Variants in CNTN2 observed in about 807,000 individuals in gnomAD.
The protein encoded by CNTN2 is contactin-2.
Under a neutral mutation model 117.5 loss-of-function variants are expected in CNTN2, and 53 were observed. The observed-to-expected ratio is 0.45, with a 90% CI of 0.36 to 0.57. The LOEUF (loss-of-function observed/expected upper bound fraction) is 0.57. Among genes scored for constraint, CNTN2 ranks in the 20% least tolerant of loss-of-function variants. The probability of loss-of-function intolerance (pLI) is 0.00; values close to 1 mark genes in which losing one functional copy is unlikely to be tolerated. For synonymous variants in CNTN2, 530 were observed against 561.7 expected, an observed-to-expected ratio of 0.94 and a Z score of 0.80; for missense variants, 1,106 against 1,404.3, an observed-to-expected ratio of 0.79 and a Z score of 3.39.
intron 1 of CNTN2, among the ~76,000 whole-genome samples, chr1:205,052,759 GC>G (rs1442065985): frequency 6.6e-6 from 1 of 152,190 alleles, no homozygotes; most frequent in Admixed American, 6.5e-5. Flanking sequence ...TTCTCTTCCG[GC>G]CTCGCCTCAA....
At position 205,065,135 on chromosome 1, in the gene CNTN2, G is replaced by A; in HGVS notation, c.1568G>A (p.Gly523Asp). ...CCCTCAAGTGCCGACATCAACTTGG[G>A]TGACAACCTGACCCTACAGTGCCAT... ...LAPSSADINL[G>D]DNLTLQCHAS... The change falls in exon 13 of 23, where the codon GGT becomes GAT. Residue 523 changes from glycine to aspartate, a missense_variant. Physicochemically the swap from Gly to Asp is moderately conservative, Grantham distance 94. Coordinates refer to ENST00000331830, the MANE Select transcript of CNTN2 (RefSeq NM_005076.5). This position sits in a 1 kb window ranked among gnomAD's most constrained non-coding sequence, Gnocchi z 4.1. 1 of 1,614,052 alleles carries A rather than the reference G, an allele frequency of 6.2e-7. No individual in the cohort carries two copies. The highest frequency in any genetic ancestry group is 8.5e-7 in the Non-Finnish European group (1 of 1,180,008).
rs1654728453 is a variant in CNTN2 at position 205,073,861 on chromosome 1, G to GA, written c.*97dup. The GA allele has an allele frequency of 1.1e-5, 11 of 967,686 alleles. No individual in the cohort carries two copies. In the South Asian group the frequency reaches 1.5e-4, roughly 13 times the overall value. The allele number at this position is 967,686 out of a possible 1,614,324, so 59.9% of individuals were successfully genotyped here. A position where few individuals can be genotyped will look rare whatever the true frequency, so the allele number is the denominator to read the frequency against. The stretch of plus-strand genomic sequence containing the variant: ...GCCAAGGTGGCCTGACACTGTGCCA[G>GA]AGAGTGGCTGGTTTTAAATACCTAC... On this transcript the variant is annotated 3_prime_UTR_variant, in exon 23 of 23. Coordinates refer to ENST00000331830, the MANE Select transcript of CNTN2 (RefSeq NM_005076.5). The surrounding 1 kb of genome is among the most constrained non-coding windows in gnomAD (Gnocchi z 6.3).
At position 205,048,151 on chromosome 1, in the gene CNTN2, A is replaced by G. The variant is rs1574627825; in HGVS notation, c.-87+4757A>G. Among the ~76,000 whole-genome samples the G allele has an allele frequency of 6.6e-6, 1 of 152,112 alleles. No individual in the cohort carries two copies. Among genetic ancestry groups the G allele is most frequent in the Admixed American group, 6.5e-5 (1 of 15,284 alleles). On this transcript the variant is annotated intron_variant, in intron 1 of 22. Coordinates refer to ENST00000331830, the MANE Select transcript of CNTN2 (RefSeq NM_005076.5). This position sits in a 1 kb window ranked among gnomAD's most constrained non-coding sequence, Gnocchi z 4.1. ...CTCTGAACTCCCCTTTGCTACCACC[A>G]TCCATCGGAAGTTGCCAAATCTCTC...
chr1:205,058,077 G>A lies in CNTN2; in HGVS notation c.215+12G>A, dbSNP rs769149441. The A allele has an allele frequency of 5.6e-6, 9 of 1,612,238 alleles. No homozygotes were observed. In the African/African-American group the frequency reaches 1.2e-4, roughly 22 times the overall value. ...CCAGCCACCTATCGGTAAGGCCTCT[G>A]CAGTGGGTGCTGGGAGGCCCTGGGC... On this transcript the variant is annotated intron_variant, in intron 3 of 22. Transcript: ENST00000331830. The surrounding 1 kb of genome is among the most constrained non-coding windows in gnomAD (Gnocchi z 4.3).
intron 1 of CNTN2, among the ~76,000 whole-genome samples, chr1:205,047,439 CA>C (rs1232924703): frequency 7.9e-5 from 12 of 152,070 alleles, no homozygotes; most frequent in Non-Finnish European, 2.9e-5. Flanking sequence ...TTGTCTTAGG[CA>C]AAGGAAAAGG....
Position 205,065,881 on chromosome 1 carries a change from G to A in CNTN2, c.1788G>A (p.Ala596=), listed in dbSNP as rs151320977. Residue 596 remains alanine, a synonymous_variant, in exon 14 of 23, where the codon GCG becomes GCA. Transcript: ENST00000331830. The surrounding 1 kb of genome is among the most constrained non-coding windows in gnomAD (Gnocchi z 4.1). ...TCMAQTVVDS[A]SKEATVLVRG... is the part of the protein sequence containing the mutation. ...TGGCCCAGACGGTGGTGGACAGCGC[G>A]TCCAAGGAGGCCACAGTCCTGGTCC... The A allele has an allele frequency of 1.6e-5, 26 of 1,612,448 alleles. No individual in the cohort carries two copies. Among genetic ancestry groups the A allele is most frequent in the African/African-American group, 1.3e-4 (10 of 74,772 alleles).
chr1:205,050,140 TC>T (rs2096449836), intron 1 of CNTN2, among the ~76,000 whole-genome samples: 1 of 152,158 alleles, frequency 6.6e-6, no homozygotes, highest in Non-Finnish European at 1.5e-5. Context: ...TATTAACAAC[TC>T]CTGTTTATCA....
intron 1 of CNTN2, among the ~76,000 whole-genome samples, chr1:205,051,477 G>A (rs560177443): frequency 6.6e-6 from 1 of 152,316 alleles, no homozygotes; most frequent in Admixed American, 6.5e-5. Context: ...AATGTCTTGA[G>A]TTCAAGTCGA....
At chr1:205,066,698 G>T (rs1282564411) in intron 15 of CNTN2, 99 bp downstream of exon 15, 2 of 1,388,802 alleles carry the variant, frequency 1.4e-6, no homozygotes, top group African/African-American at 1.4e-5. Context: ...GAGGGCCAGG[G>T]CTGAGCCTGG....
rs1335941017 is a variant in CNTN2, at chr1:205,053,128, C to T, written c.-58C>T. On this transcript the variant is annotated 5_prime_UTR_variant, in exon 2 of 23. Transcript: ENST00000331830. Reference sequence around the variant, plus strand: ...CTTTCTCAGCCTCCAGCTGGGCTGTCCCCAAGCTGAGCTGAGGCTCTTCTC... The same window carrying T: ...CTTTCTCAGCCTCCAGCTGGGCTGTTCCCAAGCTGAGCTGAGGCTCTTCTC... 7.0e-7 allele frequency: 1 copy of T among 1,419,190 alleles called. No homozygotes were observed. The highest frequency in any genetic ancestry group is 1.4e-5 in the African/African-American group (1 of 70,412). The allele number at this position is 1,419,190 out of a possible 1,614,324, so 87.9% of individuals were successfully genotyped here.
rs1196493373 is a variant in CNTN2, at chr1:205,074,064, G to A, written c.*299G>A. 1 of 571,754 alleles carries A rather than the reference G, an allele frequency of 1.7e-6. No individual in the cohort carries two copies. The highest frequency in any genetic ancestry group is 1.9e-5 in the African/African-American group (1 of 53,566). The allele number at this position is 571,754 out of a possible 1,614,324, so 35.4% of individuals were successfully genotyped here. A position where few individuals can be genotyped will look rare whatever the true frequency, so the allele number is the denominator to read the frequency against. ...GGAAGGAACAGGCCCATGGGAAGAA[G>A]GGGGTTTTAAAAACATGTCTTCAAC... On this transcript the variant is annotated 3_prime_UTR_variant, in exon 23 of 23. Coordinates refer to ENST00000331830, the MANE Select transcript of CNTN2 (RefSeq NM_005076.5).
intron 18 of CNTN2, 147 bp downstream of exon 18, chr1:205,070,208 T>G: frequency 2.5e-6 from 2 of 815,064 alleles, no homozygotes; most frequent in South Asian, 3.4e-5. Flanking sequence ...TGGCCTCACT[T>G]CCAGCTCTTG....
rs1440782722 is a variant in CNTN2 at position 205,061,417 on chromosome 1, C to G, written c.970C>G (p.Gln324Glu). ...RDTVQGRIIV[Q>E]AQPEWLKVIS... ...CACCGTGCAGGGCCGCATCATCGTG[C>G]AGGGTACAGAGCCAGGGACACCTTC... is the stretch of plus-strand genomic sequence containing the variant. Residue 324 changes from glutamine (Q) to glutamate (E), a missense_variant, in exon 8 of 23, where the codon CAG becomes GAG. Physicochemically the swap from Gln to Glu is conservative, Grantham distance 29. Transcript: ENST00000331830. This position sits in a 1 kb window ranked among gnomAD's most constrained non-coding sequence, Gnocchi z 4.8. 6.2e-7 allele frequency: 1 copy of G among 1,608,534 alleles called. No individual in the cohort carries two copies.
Position 205,065,774 on chromosome 1 carries a change from T to C in CNTN2, c.1696-15T>C, listed in dbSNP as rs924002129. ...GGTGGTCTGACCTGCTGCCCCTAAC[T>C]GTCCCCGTGTGCAGAAGGAGACCAT... On this transcript the variant is annotated splice_polypyrimidine_tract_variant and intron_variant, in intron 13 of 22. Coordinates refer to ENST00000331830, the MANE Select transcript of CNTN2 (RefSeq NM_005076.5). The surrounding 1 kb of genome is among the most constrained non-coding windows in gnomAD (Gnocchi z 4.1). The C allele has an allele frequency of 3.2e-6, 3 of 932,644 alleles. No homozygotes were observed. The African/African-American group carries it at 4.9e-5, about 15-fold the overall frequency. 57.8% of individuals were successfully genotyped at this position (932,644 alleles called of 1,614,324 possible).
At chr1:205,053,309 A>G in intron 2 of CNTN2, 54 bp downstream of exon 2, 1 of 1,429,272 alleles carries the variant, frequency 7.0e-7, no homozygotes, top group Non-Finnish European at 9.6e-7. Flanking sequence ...ATAGTGTTAT[A>G]TCCTTGCTAT....
At chr1:205,066,047 A>G in intron 14 of CNTN2, 138 bp downstream of exon 14, 2 of 1,052,834 alleles carry the variant, frequency 1.9e-6, no homozygotes, top group Non-Finnish European at 2.7e-6. Context: ...TGTGAGCTGG[A>G]TATACCCTGT....
rs4017875 is a variant in CNTN2 at position 205,048,910 on chromosome 1, CGTGTGTGTGTGTGTGTGTGTGTGTGTGT to C, written c.-86-4167_-86-4140del. Among the ~76,000 whole-genome samples, 1 of 127,780 alleles carries C rather than the reference CGTGTGTGTGTGTGTGTGTGTGTGTGTGT, an allele frequency of 7.8e-6. No individual in the cohort carries two copies. The highest frequency in any genetic ancestry group is 2.4e-4 in the East Asian group (1 of 4,160). 83.8% of individuals were successfully genotyped at this position (127,780 alleles called of 152,430 possible). ...GCTCCAGCCTTTAGCCCAGACTCTG[CGTGTGTGTGTGTGTGTGTGTGTGTGTGT>C]GTGTGTGTGTGTGTGTGTGTGTTCA... is the stretch of plus-strand genomic sequence containing the variant. On this transcript the variant is annotated intron_variant, in intron 1 of 22. Coordinates refer to ENST00000331830, the MANE Select transcript of CNTN2 (RefSeq NM_005076.5). The surrounding 1 kb of genome is among the most constrained non-coding windows in gnomAD (Gnocchi z 4.1).
Position 205,061,834 on chromosome 1 carries a change from A to G in CNTN2, c.974-31A>G. ...ATGAGCTGGAAGCTCCTCCTAGCTC[A>G]TGCCAGGTTTTCTTTTCCGGGCTCC... On this transcript the variant is annotated intron_variant, in intron 8 of 22. Coordinates refer to ENST00000331830, the MANE Select transcript of CNTN2 (RefSeq NM_005076.5). The surrounding 1 kb of genome is among the most constrained non-coding windows in gnomAD (Gnocchi z 4.8). 1 of 1,503,020 alleles carries G rather than the reference A, an allele frequency of 6.7e-7. No homozygotes were observed. Among genetic ancestry groups the G allele is most frequent in the Non-Finnish European group, 8.9e-7 (1 of 1,125,562 alleles). The allele number at this position is 1,503,020 out of a possible 1,614,324, so 93.1% of individuals were successfully genotyped here.
In CNTN2 at chr1:205,065,042, C is replaced by T. The variant is rs1268479186; in HGVS notation, c.1520-45C>T. The T allele has an allele frequency of 6.2e-7, 1 of 1,602,266 alleles. No individual in the cohort carries two copies. Among genetic ancestry groups the T allele is most frequent in the East Asian group, 2.2e-5 (1 of 44,786 alleles). On this transcript the variant is annotated intron_variant, in intron 12 of 22. Coordinates refer to ENST00000331830, the MANE Select transcript of CNTN2 (RefSeq NM_005076.5). The surrounding 1 kb of genome is among the most constrained non-coding windows in gnomAD (Gnocchi z 4.1). ...CCTGCCCTGCGGACCCGGCCTGGGC[C>T]CATTTCCTCCCCCATCCACCCAAGG...
Sources: gnomAD v4.1 joint callset for allele counts (sites outside exome capture counted in the v4.1 genomes callset) on GRCh38, gnomAD v4.1.1 for gene constraint, Gnocchi (gnomAD v3.1) non-coding constraint, MANE v1.5 for transcripts, NCBI Gene and HGNC (gene_info 2026-07-23, HGNC 2026-07-21) for gene names.